Variants in DOCK1 observed in about 807,000 individuals in gnomAD.
DOCK1 encodes the protein dedicator of cytokinesis protein 1.
DOCK1 carries 138 observed loss-of-function variants against 262.7 expected under a neutral mutation model. The observed-to-expected ratio is 0.53, with a 90% CI of 0.46 to 0.61. The LOEUF is 0.61. DOCK1 is among the 20% of genes least tolerant of loss of function. The probability of loss-of-function intolerance (pLI) is 0.00; values close to 1 mark genes in which losing one functional copy is unlikely to be tolerated. For missense variants in DOCK1, 1,908 were observed against 2,370.7 expected (o/e 0.80, Z 4.05); for synonymous variants, 866 against 867.4 (o/e 1.00, Z 0.03).
chr10:127,364,297 G>A (rs978556176), intron 33 of DOCK1, among the ~76,000 whole-genome samples: 5 of 152,242 alleles, frequency 3.3e-5, no homozygotes, highest in African/African-American at 1.2e-4. Flanking sequence ...ACCCATTGCA[G>A]AGGAGCCTAA....
intron 7 of DOCK1, 36 bp downstream of exon 7, chr10:126,996,919 C>T: frequency 6.5e-7 from 1 of 1,535,232 alleles, no homozygotes; most frequent in African/African-American, 1.4e-5. Context: ...TTCACGTTTT[C>T]TCAGTAATAA....
At chr10:126,960,886 AATAAG>A (rs2037164025) in intron 1 of DOCK1, among the ~76,000 whole-genome samples, 2 of 151,812 alleles carry the variant, frequency 1.3e-5, no homozygotes, top group African/African-American at 4.8e-5. Context: ...AAAAAAAAGA[AATAAG>A]ATAGTTGCTG....
intron 23 of DOCK1, among the ~76,000 whole-genome samples, chr10:127,098,584 G>A (rs547692783): frequency 4.6e-5 from 7 of 152,216 alleles, no homozygotes; most frequent in African/African-American, 1.4e-4. Context: ...TGAGAAGCCC[G>A]ATAGGAAATG....
chr10:126,973,003 T>A (rs1191846612), intron 2 of DOCK1, among the ~76,000 whole-genome samples: 1 of 151,750 alleles, frequency 6.6e-6, no homozygotes, highest in Non-Finnish European at 1.5e-5. Flanking sequence ...AGAAATTAAG[T>A]AGAGGTTAAG....
At chr10:127,258,653 A>G (rs545957830) in intron 29 of DOCK1, among the ~76,000 whole-genome samples, 2 of 152,304 alleles carry the variant, frequency 1.3e-5, no homozygotes, top group Admixed American at 1.3e-4. Context: ...TGTGGCATAA[A>G]TGCCTTCCTG....
chr10:127,343,615 A>C (rs766080342), intron 30 of DOCK1, 31 bp from the exon 31 acceptor site: 1 of 1,554,386 alleles, frequency 6.4e-7, no homozygotes, highest in Non-Finnish European at 8.8e-7. Flanking sequence ...GCTGTTCAAC[A>C]ACTTAGCATC....
rs781331326 is a variant in DOCK1, at chr10:126,996,893, ACT to A, written c.609+13_609+14del. 6.3e-7 allele frequency: 1 copy of A among 1,591,418 alleles called. No homozygotes were observed. Among genetic ancestry groups the A allele is most frequent in the Non-Finnish European group, 8.5e-7 (1 of 1,171,962 alleles). On this transcript the variant is annotated intron_variant, in intron 7 of 51. Coordinates refer to ENST00000623213, the MANE Select transcript of DOCK1 (RefSeq NM_001290223.2). ...GTTACAAGAGGAAAAAGTAAGTTTG[ACT>A]CTGTCATATGCCATTCACGTTTTCT...
At chr10:127,163,935 G>A (rs1293757214) in intron 27 of DOCK1, among the ~76,000 whole-genome samples, 1 of 151,392 alleles carries the variant, frequency 6.6e-6, no homozygotes, top group Non-Finnish European at 1.5e-5. Context: ...CTCCCCAGAT[G>A]TGGTGACACT....
chr10:127,136,269 GT>G (rs1378624780), intron 27 of DOCK1: 1 of 152,018 alleles, frequency 6.6e-6, no homozygotes, highest in African/African-American at 2.4e-5. Context: ...CAGATTTGCT[GT>G]TGAGTCAGGA....
intron 33 of DOCK1, among the ~76,000 whole-genome samples, chr10:127,362,885 CCA>C (rs1324621404): frequency 4.1e-3 from 45 of 10,926 alleles, no homozygotes; most frequent in African/African-American, 8.6e-3. Flanking sequence ...ATACACATCC[CCA>C]CACACACACA....
At chr10:126,965,639 A>G (rs1248101322) in intron 1 of DOCK1, among the ~76,000 whole-genome samples, 1 of 152,112 alleles carries the variant, frequency 6.6e-6, no homozygotes, top group Non-Finnish European at 1.5e-5. Context: ...CTCTGTTTTC[A>G]TCTGTGAAGT....
At chr10:127,393,165 G>T (rs1262176508) in intron 38 of DOCK1, among the ~76,000 whole-genome samples, 1 of 152,072 alleles carries the variant, frequency 6.6e-6, no homozygotes, top group Non-Finnish European at 1.5e-5. Flanking sequence ...TCATTTTAGG[G>T]GAAACAACGC....
chr10:127,196,431 C>G (rs2057156370), intron 27 of DOCK1, among the ~76,000 whole-genome samples: 1 of 148,636 alleles, frequency 6.7e-6, no homozygotes, highest in African/African-American at 2.4e-5. Flanking sequence ...GAGCCAGGGC[C>G]AGGAGGCGGG....
chr10:127,227,230 C>T (rs186614650), intron 27 of DOCK1, among the ~76,000 whole-genome samples: 1 of 152,274 alleles, frequency 6.6e-6, no homozygotes, highest in African/African-American at 2.4e-5. Context: ...AACTTTTCAT[C>T]GTGGCCCCTT....
chr10:127,140,721 G>C (rs568157967), intron 27 of DOCK1, among the ~76,000 whole-genome samples: 1 of 124,190 alleles, frequency 8.1e-6, no homozygotes, highest in South Asian at 2.7e-4. Flanking sequence ...GCATCAGAAG[G>C]TTAACGGTCT....
intron 35 of DOCK1, among the ~76,000 whole-genome samples, chr10:127,377,280 G>T (rs1226216826): frequency 6.6e-6 from 1 of 151,988 alleles, no homozygotes; most frequent in Non-Finnish European, 1.5e-5. Context: ...TCAATTTCCT[G>T]GTCAGTTTTT....
chr10:127,031,675 T>C lies in DOCK1; in HGVS notation c.1650T>C (p.Phe550=), dbSNP rs2043250435. 1 of 1,611,218 alleles carries C rather than the reference T, an allele frequency of 6.2e-7. No individual in the cohort carries two copies. The highest frequency in any genetic ancestry group is 1.3e-5 in the African/African-American group (1 of 75,002). The change falls in exon 17 of 52, where the codon TTT becomes TTC. Residue 550 remains phenylalanine, a synonymous_variant. Coordinates refer to ENST00000623213, the MANE Select transcript of DOCK1 (RefSeq NM_001290223.2). The part of the protein sequence containing the change: ...QDSKDKSEKI[F]ALAFVKLMRY... ...CTAAGGATAAATCTGAGAAAATATT[T>C]GCACTAGCATTTGTCAAGCTGATGA...
intron 29 of DOCK1, among the ~76,000 whole-genome samples, chr10:127,318,961 A>G (rs1450847586): frequency 6.6e-6 from 1 of 152,226 alleles, no homozygotes; most frequent in Non-Finnish European, 1.5e-5. Flanking sequence ...TCCCTTGACC[A>G]GAGACTGGAA....
chr10:127,169,468 C>T (rs911871161), intron 27 of DOCK1, among the ~76,000 whole-genome samples: 1 of 152,196 alleles, frequency 6.6e-6, no homozygotes, highest in Non-Finnish European at 1.5e-5. Context: ...CTGGCCTGAA[C>T]ATTTTTAGCT....
Sources: gnomAD v4.1 joint callset for allele counts (sites outside exome capture counted in the v4.1 genomes callset) on GRCh38, gnomAD v4.1.1 for gene constraint, MANE v1.5 for transcripts, NCBI Gene and HGNC (gene_info 2026-07-23, HGNC 2026-07-21) for gene names.